Variants in ABCB4 observed in about 807,000 individuals in gnomAD.
ABCB4 encodes the protein ATP binding cassette subfamily B member 4, also known as phosphatidylcholine translocator ABCB4.
In ABCB4, 76 loss-of-function variants were observed where a neutral mutation model predicts 145.7. That is an observed-to-expected ratio of 0.52 (90% CI 0.43 to 0.63). ABCB4 has a LOEUF of 0.63. Among genes scored for constraint, ABCB4 ranks in the 30% least tolerant of loss-of-function variants. ABCB4 has a pLI of 0.00. For synonymous variants in ABCB4, 517 were observed against 566.8 expected, an observed-to-expected ratio of 0.91 and a Z score of 1.25; for missense variants, 1,234 against 1,553.1, an observed-to-expected ratio of 0.79 and a Z score of 3.45.
chr7:87,398,816 G>T (rs572046955), downstream of ABCB4: 37 of 633,040 alleles, frequency 5.8e-5, no homozygotes, highest in Non-Finnish European at 9.0e-5. Flanking sequence ...AATTTATTCT[G>T]CCATAGAAGG....
chr7:87,434,680 G>A (rs1020494210), intron 14 of ABCB4, among the ~76,000 whole-genome samples: 89 of 152,294 alleles, frequency 5.8e-4, no homozygotes, highest in African/African-American at 1.8e-3. Context: ...CCCGGGAAGC[G>A]GAGGTTGCAG....
intron 8 of ABCB4, among the ~76,000 whole-genome samples, chr7:87,447,933 G>T (rs1415238640): frequency 6.6e-6 from 1 of 152,188 alleles, no homozygotes. Context: ...CTGGTTCATA[G>T]TTAGCAAGCC....
At chr7:87,376,810 G>A in the ABCB4 span, among the ~76,000 whole-genome samples, 2 of 152,034 alleles carry the variant, frequency 1.3e-5, no homozygotes, top group Non-Finnish European at 2.9e-5. Flanking sequence ...GAGTTTCACA[G>A]AGCACTAATT....
intron 26 of ABCB4, among the ~76,000 whole-genome samples, chr7:87,405,397 G>T (rs952546929): frequency 1.3e-5 from 2 of 151,438 alleles, no homozygotes; most frequent in Admixed American, 1.3e-4. Flanking sequence ...CAATATGAGG[G>T]ATCTTTATGG....
At chr7:87,385,730 G>A in the ABCB4 span, among the ~76,000 whole-genome samples, 66 of 152,176 alleles carry the variant, frequency 4.3e-4, no homozygotes, top group Non-Finnish European at 8.2e-4. Context: ...TAAAAGTGGT[G>A]AAAGTAGGCA....
At position 87,405,486 on chromosome 7, in the gene ABCB4, G is replaced by T. The variant is rs564119677; in HGVS notation, c.3486+802C>A. On this transcript the variant is annotated intron_variant, in intron 26 of 27. Transcript: ENST00000649586. ...CTGTCGCCCAGGCTGGAGTGCAATGGTGTGATCTTGGATCACTTTAACCTC... is the reference window on the plus strand; with the variant it reads ...CTGTCGCCCAGGCTGGAGTGCAATGTTGTGATCTTGGATCACTTTAACCTC... 6.7e-5 allele frequency among the ~76,000 whole-genome samples: 10 copies of T among 150,092 alleles called. No homozygotes were observed. In the East Asian group the frequency reaches 2.0e-3, roughly 29 times the overall value.
At chr7:87,377,072 T>C in the ABCB4 span, among the ~76,000 whole-genome samples, 1 of 152,194 alleles carries the variant, frequency 6.6e-6, no homozygotes, top group African/African-American at 2.4e-5. Flanking sequence ...CTCAATTCTA[T>C]GTTCTGTAAA....
At position 87,450,033 on chromosome 7, in the gene ABCB4, T is replaced by A; in HGVS notation, c.768A>T (p.Ala256=). 2 of 1,614,208 alleles carry A rather than the reference T, an allele frequency of 1.2e-6. No individual in the cohort carries two copies. Among genetic ancestry groups the A allele is most frequent in the Non-Finnish European group, 1.7e-6 (2 of 1,180,030 alleles). ...LAAYAKAGAV[A]EEALGAIRTV... ...TCCTGATGGCCCCCAGAGCCTCTTC[T>A]GCCACGGCGCCTGCTTTTGCATAAG... Residue 256 remains alanine, a synonymous_variant, in exon 8 of 28, where the codon GCA becomes GCT. Coordinates refer to ENST00000649586, the MANE Select transcript of ABCB4 (RefSeq NM_000443.4).
chr7:87,439,124 A>G (rs1217738181), intron 14 of ABCB4, among the ~76,000 whole-genome samples: 1 of 152,198 alleles, frequency 6.6e-6, no homozygotes, highest in Non-Finnish European at 1.5e-5. Context: ...CTTAGTAAAA[A>G]TGCTAATGAG....
At chr7:87,422,019 C>T in intron 18 of ABCB4, 102 bp downstream of exon 18, 1 of 868,104 alleles carries the variant, frequency 1.2e-6, no homozygotes, top group Non-Finnish European at 1.9e-6. Context: ...ATCATGTTTG[C>T]AATTTATTTC....
chr7:87,429,558 G>C (rs1584720311), intron 15 of ABCB4, among the ~76,000 whole-genome samples: 1 of 152,192 alleles, frequency 6.6e-6, no homozygotes. Context: ...AAGAGCTTAT[G>C]GCAATAGGAC....
intron 15 of ABCB4, among the ~76,000 whole-genome samples, chr7:87,429,760 T>C (rs1028001888): frequency 1.3e-5 from 2 of 152,160 alleles, no homozygotes; most frequent in Non-Finnish European, 2.9e-5. Flanking sequence ...GACACTATCA[T>C]TGATTCCCTC....
At chr7:87,430,487 T>C (rs1407833935) in intron 15 of ABCB4, among the ~76,000 whole-genome samples, 1 of 152,150 alleles carries the variant, frequency 6.6e-6, no homozygotes, top group Non-Finnish European at 1.5e-5. Context: ...TCATTATCAA[T>C]ATAACCTGTT....
intron 26 of ABCB4, 154 bp downstream of exon 26, chr7:87,406,134 A>C: frequency 2.7e-6 from 2 of 749,282 alleles, no homozygotes; most frequent in South Asian, 1.6e-5. Context: ...TCCCATTTAC[A>C]AATAAGGAAG....
intron 14 of ABCB4, among the ~76,000 whole-genome samples, chr7:87,433,035 T>C (rs763382669): frequency 1.3e-5 from 2 of 152,080 alleles, no homozygotes; most frequent in African/African-American, 4.8e-5. Context: ...ATTTGATCAA[T>C]AGAACCAAAT....
At chr7:87,472,742 A>T in intron 2 of ABCB4, 67 bp from the exon 3 acceptor site, 3 of 1,122,008 alleles carry the variant, frequency 2.7e-6, no homozygotes, top group Non-Finnish European at 4.0e-6. Flanking sequence ...TTGAACATAA[A>T]TATGTTTAGT....
the ABCB4 span, chr7:87,369,490 C>G: frequency 6.3e-7 from 1 of 1,594,178 alleles, no homozygotes; most frequent in South Asian, 1.1e-5. Flanking sequence ...CTCAGGTTTT[C>G]AGACTACTTT....
chr7:87,465,327 G>A (rs1022924333), intron 3 of ABCB4, among the ~76,000 whole-genome samples: 1 of 152,198 alleles, frequency 6.6e-6, no homozygotes, highest in South Asian at 2.1e-4. Flanking sequence ...GAGGCTGGGG[G>A]AAGGGTGCCC....
intron 4 of ABCB4, among the ~76,000 whole-genome samples, chr7:87,458,962 T>C (rs1446915682): frequency 4.7e-5 from 7 of 150,064 alleles, no homozygotes; most frequent in Admixed American, 4.0e-4. Context: ...CTTAAAGCCA[T>C]TCAGTTTCAT....
Sources: allele counts gnomAD v4.1 joint callset (sites outside exome capture counted in the v4.1 genomes callset), GRCh38; gene constraint gnomAD v4.1.1; transcripts MANE v1.5; gene names NCBI Gene and HGNC (gene_info 2026-07-23, HGNC 2026-07-21).